DNM1: variants seen among roughly 807,000 people sequenced by gnomAD.
DNM1 encodes dynamin-1.
DNM1 carries 29 observed loss-of-function variants against 104.6 expected under a neutral mutation model. The observed-to-expected ratio is 0.28, with a 90% confidence interval of 0.21 to 0.38. The LOEUF is 0.38. DNM1 is among the 10% of genes least tolerant of loss of function. The pLI, the probability that DNM1 is intolerant of heterozygous loss-of-function variation, is 1.00. For missense variants in DNM1, 640 were observed against 1,189.4 expected (o/e 0.54, Z 6.79); for synonymous variants, 445 against 475.8 (o/e 0.94, Z 0.84).
Position 128,254,917 on chromosome 9 carries a change from TA to T in DNM1, c.*206del, listed in dbSNP as rs750844574. The T allele has an allele frequency of 1.4e-4, 78 of 553,042 alleles. No individual in the cohort carries two copies. The highest frequency in any genetic ancestry group is 2.4e-4 in the Non-Finnish European group (74 of 314,864). The allele number at this position is 553,042 out of a possible 1,614,324, so 34.3% of individuals were successfully genotyped here. On this transcript the variant is annotated 3_prime_UTR_variant, in exon 22 of 22. Transcript: ENST00000372923. The surrounding 1 kb of genome is among the most constrained non-coding windows in gnomAD (Gnocchi z 6.1). ...TGTGGTATGCCCTTGCCCTGTTCTATAAATATCTATAAATACTCATATATAT... is the reference window on the plus strand; with the variant it reads ...TGTGGTATGCCCTTGCCCTGTTCTATAATATCTATAAATACTCATATATAT...
intron 11 of DNM1, 129 bp downstream of exon 11, chr9:128,234,236 TACTG>T (rs544712315): frequency 1.5e-5 from 11 of 723,444 alleles, no homozygotes; most frequent in Non-Finnish European, 2.2e-5. Context: ...CTCTGTCTCA[TACTG>T]ACTCTCTGCT....
chr9:128,203,433 C>G lies in DNM1; in HGVS notation c.-38C>G. On this transcript the variant is annotated 5_prime_UTR_variant, in exon 1 of 22. Transcript: ENST00000372923. This position sits in a 1 kb window ranked among gnomAD's most constrained non-coding sequence, Gnocchi z 5.3. The stretch of plus-strand genomic sequence containing the variant: ...CCGGAGTCGGAGCCGGGAGCGCTAG[C>G]GGCAGCCGGATCGCAGCCTGCGGGG... 1 of 1,427,540 alleles carries G rather than the reference C, an allele frequency of 7.0e-7. No individual in the cohort carries two copies. The highest frequency in any genetic ancestry group is 2.8e-5 in the Admixed American group (1 of 36,176). The allele number at this position is 1,427,540 out of a possible 1,614,324, so 88.4% of individuals were successfully genotyped here.
rs1564345709 is a variant in DNM1 at position 128,239,922 on chromosome 9, T to C, written c.1546-63T>C. On this transcript the variant is annotated intron_variant, in intron 13 of 21. Coordinates refer to ENST00000372923, the MANE Select transcript of DNM1 (RefSeq NM_004408.4). ...CCAGCCACAAGCCTCCCACTCTGCC[T>C]CAGTAACCCTCTCTCCTCTCTCCCC... The C allele has an allele frequency of 5.0e-6, 8 of 1,607,164 alleles. No homozygotes were observed. In the East Asian group the frequency reaches 1.6e-4, roughly 31 times the overall value.
At chr9:128,219,023 G>A (rs1170183103) in intron 3 of DNM1, 26 bp from the exon 4 acceptor site, 1 of 1,611,882 alleles carries the variant, frequency 6.2e-7, no homozygotes, top group Admixed American at 1.7e-5. Flanking sequence ...CTCGCCTTGA[G>A]CCCGCCCTCT....
At position 128,255,001 on chromosome 9, in the gene DNM1, T is replaced by C. The variant is rs1239202211; in HGVS notation, c.*287T>C. 1 of 306,834 alleles carries C rather than the reference T, an allele frequency of 3.3e-6. No homozygotes were observed. The highest frequency in any genetic ancestry group is 6.0e-6 in the Non-Finnish European group (1 of 167,200). The allele number at this position is 306,834 out of a possible 1,614,324, so 19.0% of individuals were successfully genotyped here. A position where few individuals can be genotyped will look rare whatever the true frequency, so the allele number is the denominator to read the frequency against. ...TAGCGCTGGGAATCAGTCACTGTGC[T>C]ATCCTTGTGGAGTCTTGTGGCCCAA... On this transcript the variant is annotated 3_prime_UTR_variant, in exon 22 of 22. Coordinates refer to ENST00000372923, the MANE Select transcript of DNM1 (RefSeq NM_004408.4).
intron 11 of DNM1, among the ~76,000 whole-genome samples, chr9:128,238,658 T>C (rs915354452): frequency 2.6e-5 from 4 of 151,932 alleles, no homozygotes; most frequent in African/African-American, 9.6e-5. Flanking sequence ...ATTTTCTTTT[T>C]TTTTTTTTTT....
At chr9:128,211,469 C>G (rs73672443) in intron 1 of DNM1, among the ~76,000 whole-genome samples, 1,482 of 132,772 alleles carry the variant, frequency 0.011, 33 homozygotes, top group African/African-American at 0.039. Context: ...CGCCTGGAAG[C>G]CTCTTTTTTT....
At chr9:128,207,460 C>G (rs1834036159) in intron 1 of DNM1, among the ~76,000 whole-genome samples, 1 of 152,068 alleles carries the variant, frequency 6.6e-6, no homozygotes. Context: ...TCCTCGCTGT[C>G]CCTCCAGCTC....
intron 1 of DNM1, among the ~76,000 whole-genome samples, chr9:128,211,544 T>C (rs987289733): frequency 2.1e-5 from 3 of 143,706 alleles, no homozygotes; most frequent in Non-Finnish European, 3.0e-5. Flanking sequence ...GGTCTCAAAC[T>C]TCTGGCCTCA....
intron 12 of DNM1, 106 bp downstream of exon 12, chr9:128,239,621 GC>G (rs1836241572): frequency 1.6e-6 from 2 of 1,214,286 alleles, no homozygotes; most frequent in African/African-American, 1.6e-5. Context: ...TGTGTGTAGA[GC>G]CCAGGTCTGC....
intron 11 of DNM1, among the ~76,000 whole-genome samples, chr9:128,235,383 A>C (rs548175221): frequency 6.6e-6 from 1 of 151,928 alleles, no homozygotes; most frequent in Non-Finnish European, 1.5e-5. Flanking sequence ...AATCCCAGCT[A>C]TTCAGGAAGC....
chr9:128,222,932 A>G lies in DNM1; in HGVS notation c.1196+72A>G. 2 of 1,435,918 alleles carry G rather than the reference A, an allele frequency of 1.4e-6. No homozygotes were observed. Among genetic ancestry groups the G allele is most frequent in the Non-Finnish European group, 2.0e-6 (2 of 1,022,892 alleles). The allele number at this position is 1,435,918 out of a possible 1,614,324, so 88.9% of individuals were successfully genotyped here. ...GTCTGGGACAGAGGCACAGGGAGTGATGAAGTGGGCCTCCCTCAGGAAGGA... is the reference window on the plus strand; with the variant it reads ...GTCTGGGACAGAGGCACAGGGAGTGGTGAAGTGGGCCTCCCTCAGGAAGGA... On this transcript the variant is annotated intron_variant, in intron 9 of 21. Coordinates refer to ENST00000372923, the MANE Select transcript of DNM1 (RefSeq NM_004408.4). The surrounding 1 kb of genome is among the most constrained non-coding windows in gnomAD (Gnocchi z 7.8).
At chr9:128,223,361 G>A (rs1453110813) in intron 9 of DNM1, 3 of 158,460 alleles carry the variant, frequency 1.9e-5, no homozygotes, top group African/African-American at 7.2e-5. Flanking sequence ...ACAGGATTGG[G>A]AGGTGGAATC....
chr9:128,253,085 T>C lies in DNM1; in HGVS notation c.2535-1569T>C. On this transcript the variant is annotated intron_variant, in intron 21 of 21. Transcript: ENST00000372923. This position sits in a 1 kb window ranked among gnomAD's most constrained non-coding sequence, Gnocchi z 5.9. Reference sequence around the variant, plus strand: ...GTGCGTGTGAACTGCCATGTTGATTTCGTGCTGTCTTTCAGAATCACTATC... The same window carrying C: ...GTGCGTGTGAACTGCCATGTTGATTCCGTGCTGTCTTTCAGAATCACTATC... The C allele has an allele frequency of 6.2e-7, 1 of 1,611,444 alleles. No homozygotes were observed. The highest frequency in any genetic ancestry group is 8.5e-7 in the Non-Finnish European group (1 of 1,179,970).
At chr9:128,250,492 C>CG (rs1419059033) in intron 20 of DNM1, 136 bp downstream of exon 20, 9 of 1,100,532 alleles carry the variant, frequency 8.2e-6, no homozygotes, top group Non-Finnish European at 1.1e-5. Flanking sequence ...TTAGAGAGGG[C>CG]GGGGCTTGTC....
chr9:128,217,309 A>G (rs1306341396), intron 1 of DNM1, among the ~76,000 whole-genome samples: 1 of 152,186 alleles, frequency 6.6e-6, no homozygotes, highest in Non-Finnish European at 1.5e-5. Context: ...CAGCTCCCTC[A>G]TCTGCAAAAT....
chr9:128,224,427 C>T lies in DNM1; in HGVS notation c.1335+38C>T. ...CCCGGGCCAGCCCCCACCGCCTCTG[C>T]CCCGCCCTGCACTGCTGCCAGGCGC... On this transcript the variant is annotated intron_variant, in intron 10 of 21. Transcript: ENST00000372923. The surrounding 1 kb of genome is among the most constrained non-coding windows in gnomAD (Gnocchi z 4.3). The T allele has an allele frequency of 2.5e-6, 4 of 1,588,434 alleles. No homozygotes were observed. The highest frequency in any genetic ancestry group is 2.2e-5 in the East Asian group (1 of 44,458).
At position 128,219,846 on chromosome 9, in the gene DNM1, G is replaced by C. The variant is rs972255930; in HGVS notation, c.590-142G>C. On this transcript the variant is annotated intron_variant, in intron 4 of 21. Coordinates refer to ENST00000372923, the MANE Select transcript of DNM1 (RefSeq NM_004408.4). ...AAATAAAAATCATTTTGGCTACTCT[G>C]TGGAAAATGAATAAGGGGGAAAGAG... 38 of 599,548 alleles carry C rather than the reference G, an allele frequency of 6.3e-5. 1 individual carries two copies. Among genetic ancestry groups the C allele is most frequent in the Admixed American group, 3.4e-4 (11 of 32,272 alleles). The allele number at this position is 599,548 out of a possible 1,614,324, so 37.1% of individuals were successfully genotyped here.
In DNM1 at chr9:128,218,831, C is replaced by T. The variant is rs1834769846; in HGVS notation, c.385+100C>T. The T allele has an allele frequency of 7.7e-6, 11 of 1,427,786 alleles. No homozygotes were observed. In the East Asian group the frequency reaches 1.7e-4, roughly 23 times the overall value. 88.4% of individuals were successfully genotyped at this position (1,427,786 alleles called of 1,614,324 possible). A position where few individuals can be genotyped will look rare whatever the true frequency, so the allele number is the denominator to read the frequency against. On this transcript the variant is annotated intron_variant, in intron 3 of 21. Transcript: ENST00000372923. The surrounding 1 kb of genome is among the most constrained non-coding windows in gnomAD (Gnocchi z 4.8). ...CTGCAGACTCCGCCCCTAGAATGAC[C>T]CTGCCTCTGCATCATCCTATTCCAA...
Sources: allele counts gnomAD v4.1 joint callset (sites outside exome capture counted in the v4.1 genomes callset), GRCh38; gene constraint gnomAD v4.1.1; non-coding constraint Gnocchi (gnomAD v3.1); transcripts MANE v1.5; gene names NCBI Gene and HGNC (gene_info 2026-07-23, HGNC 2026-07-21).